The following AK9 variants were observed in gnomAD, a reference collection of about 807,000 sequenced individuals.
AK9 encodes the protein adenylate kinase 9, also known as adenylate kinase domain containing 1.
A neutral mutation model predicts 239.6 loss-of-function variants in AK9; 191 were observed. The ratio of observed to expected loss-of-function variants is 0.80; its 90% CI spans 0.71 to 0.90. The LOEUF is 0.90. Ranked by LOEUF, AK9 falls within the 40% of genes least tolerant of loss-of-function variation. The pLI is 0.00. For synonymous variants in AK9, 689 were observed against 721.0 expected (o/e 0.96, Z 0.71); for missense variants, 1,995 against 2,214.7 (o/e 0.90, Z 1.99).
chr6:109,656,219 T>C (rs185692667), intron 8 of AK9, among the ~76,000 whole-genome samples: 54 of 152,350 alleles, frequency 3.5e-4, no homozygotes, highest in Admixed American at 1.7e-3. Context: ...TCGCTACTTG[T>C]AATCTCAGTC....
intron 17 of AK9, among the ~76,000 whole-genome samples, chr6:109,603,876 G>A (rs907659012): frequency 6.6e-6 from 1 of 152,196 alleles, no homozygotes; most frequent in Non-Finnish European, 1.5e-5. Context: ...CGAGCCAGGC[G>A]CAGGATATAA....
intron 8 of AK9, 67 bp downstream of exon 8, chr6:109,656,689 A>C: frequency 6.8e-7 from 1 of 1,465,828 alleles, no homozygotes; most frequent in Non-Finnish European, 9.3e-7. Context: ...AGACATGTGA[A>C]AGCTACTTAA....
chr6:109,609,539 GA>G (rs1293689283), intron 17 of AK9, among the ~76,000 whole-genome samples: 2 of 152,176 alleles, frequency 1.3e-5, no homozygotes, highest in East Asian at 3.9e-4. Flanking sequence ...AGAACAACCT[GA>G]AGATAGGTAT....
intron 17 of AK9, among the ~76,000 whole-genome samples, chr6:109,598,122 C>A (rs12200787): frequency 4.0e-5 from 6 of 151,892 alleles, no homozygotes; most frequent in Non-Finnish European, 8.8e-5. Flanking sequence ...TGTGCACAAC[C>A]TGCAGGTTTG....
At chr6:109,623,618 AG>A (rs913128760) in intron 12 of AK9, among the ~76,000 whole-genome samples, 39 of 152,130 alleles carry the variant, frequency 2.6e-4, no homozygotes, top group Non-Finnish European at 4.4e-5. Context: ...TGACTCAGAG[AG>A]ACTATGCAAG....
At chr6:109,618,946 C>T in intron 13 of AK9, 146 bp downstream of exon 13, 3 of 863,054 alleles carry the variant, frequency 3.5e-6, no homozygotes, top group East Asian at 2.9e-5. Context: ...GGTTTATGTA[C>T]ATCCATTCTT....
At chr6:109,666,103 CTGAA>C (rs1187976395) in intron 5 of AK9, among the ~76,000 whole-genome samples, 2 of 152,298 alleles carry the variant, frequency 1.3e-5, no homozygotes, top group East Asian at 3.9e-4. Flanking sequence ...TTTGGGCTGC[CTGAA>C]TGTTCTGAGC....
Position 109,672,132 on chromosome 6 carries a change from T to C in AK9, c.217A>G (p.Thr73Ala). The change falls in exon 4 of 41, where the codon ACC becomes GCC. Residue 73 changes from threonine to alanine, a missense_variant. Thr to Ala is a moderately conservative substitution (Grantham distance 58). Coordinates refer to ENST00000424296, the MANE Select transcript of AK9 (RefSeq NM_001145128.3). Reference sequence around the variant, plus strand: ...TTGTTTACCATAACTCCTGATTCGGTTTCAGCAGCAATCTGTTCTTCTAAA... The same window carrying C: ...TTGTTTACCATAACTCCTGATTCGGCTTCAGCAGCAATCTGTTCTTCTAAA... ...PILEEQIAAE[T>A]ESGVMLQSML... 2 of 1,613,376 alleles carry C rather than the reference T, an allele frequency of 1.2e-6. No homozygotes were observed. The highest frequency in any genetic ancestry group is 2.2e-5 in the East Asian group (1 of 44,824).
At chr6:109,658,504 T>C (rs1487805100) in intron 7 of AK9, among the ~76,000 whole-genome samples, 2 of 152,180 alleles carry the variant, frequency 1.3e-5, no homozygotes, top group Non-Finnish European at 2.9e-5. Context: ...ACGGAAGTTA[T>C]TAGCCACATC....
At chr6:109,631,770 T>A (rs1438006299) in intron 12 of AK9, 1 of 152,118 alleles carries the variant, frequency 6.6e-6, no homozygotes, top group Non-Finnish European at 1.5e-5. Flanking sequence ...TATAAGTCAA[T>A]CAACAGAATA....
chr6:109,600,195 T>C (rs200138784), intron 17 of AK9, among the ~76,000 whole-genome samples: 3,146 of 152,292 alleles, frequency 0.021, 78 homozygotes, highest in East Asian at 0.11. Flanking sequence ...GCCCATTCAG[T>C]ATGATATTGG....
intron 27 of AK9, among the ~76,000 whole-genome samples, chr6:109,537,935 T>C (rs537566767): frequency 9.3e-4 from 141 of 152,362 alleles, no homozygotes; most frequent in Non-Finnish European, 1.2e-3. Context: ...TTCTTATTCC[T>C]GAGTTCTAGT....
intron 32 of AK9, among the ~76,000 whole-genome samples, chr6:109,510,361 T>C (rs1224934800): frequency 1.3e-5 from 2 of 151,906 alleles, no homozygotes; most frequent in Non-Finnish European, 2.9e-5. Context: ...TCTCTGTTGA[T>C]AGCTGGAGAG....
At chr6:109,503,681 C>T (rs1777817635) in intron 35 of AK9, among the ~76,000 whole-genome samples, 1 of 152,202 alleles carries the variant, frequency 6.6e-6, no homozygotes, top group South Asian at 2.1e-4. Context: ...GTGAGAGAGG[C>T]AGGCACTGGA....
chr6:109,637,930 T>G (rs992501113), intron 10 of AK9, among the ~76,000 whole-genome samples: 1 of 152,246 alleles, frequency 6.6e-6, no homozygotes, highest in Non-Finnish European at 1.5e-5. Context: ...CATCTCCAGA[T>G]AGTCTGGTTC....
At chr6:109,520,220 G>A (rs1386803396) in intron 29 of AK9, among the ~76,000 whole-genome samples, 1 of 152,028 alleles carries the variant, frequency 6.6e-6, no homozygotes, top group Non-Finnish European at 1.5e-5. Context: ...TGTTTCCCAG[G>A]TTTTCTTCTA....
At chr6:109,493,869 C>T (rs1244364889) in intron 40 of AK9, 112 bp downstream of exon 40, 1 of 791,650 alleles carries the variant, frequency 1.3e-6, no homozygotes, top group African/African-American at 1.7e-5. Flanking sequence ...TACTAACACT[C>T]TCTCTTTCTC....
intron 19 of AK9, among the ~76,000 whole-genome samples, chr6:109,583,017 T>C (rs192824788): frequency 9.8e-5 from 15 of 152,332 alleles, no homozygotes; most frequent in Admixed American, 1.3e-4. Context: ...TTAAGGTATA[T>C]ACATTTTTAG....
intron 8 of AK9, among the ~76,000 whole-genome samples, chr6:109,649,332 T>C (rs7765908): frequency 0.58 from 86,929 of 150,472 alleles, 26,884 homozygotes; most frequent in South Asian, 0.84. Flanking sequence ...TGATTGCATA[T>C]CTAGAAAACC....
Sources: gnomAD v4.1 joint callset for allele counts (sites outside exome capture counted in the v4.1 genomes callset) on GRCh38, gnomAD v4.1.1 for gene constraint, MANE v1.5 for transcripts, NCBI Gene and HGNC (gene_info 2026-07-23, HGNC 2026-07-21) for gene names.